SOBP: variants seen among roughly 807,000 people sequenced by gnomAD.
SOBP encodes the protein sine oculis-binding protein homolog.
Under a neutral mutation model 53.6 loss-of-function variants are expected in SOBP, and 4 were observed. That is an observed-to-expected ratio of 0.07 (90% CI 0.04 to 0.17). The LOEUF is 0.17. SOBP is among the 10% of genes least tolerant of loss of function. SOBP has a pLI of 1.00. For synonymous variants in SOBP, 584 were observed against 522.6 expected, an observed-to-expected ratio of 1.12 and a Z score of -1.60; for missense variants, 1,088 against 1,204.7, an observed-to-expected ratio of 0.90 and a Z score of 1.43.
intron 4 of SOBP, among the ~76,000 whole-genome samples, chr6:107,539,135 A>G (rs1194503998): frequency 6.6e-6 from 1 of 152,240 alleles, no homozygotes; most frequent in Non-Finnish European, 1.5e-5. Flanking sequence ...CCTGGAACAC[A>G]GCATGGGGCA....
intron 5 of SOBP, 78 bp downstream of exon 5, chr6:107,587,253 T>C (rs1785595636): frequency 1.8e-6 from 2 of 1,113,890 alleles, no homozygotes; most frequent in African/African-American, 1.5e-5. Flanking sequence ...GGTTTGTTCA[T>C]GATTACATAA....
At chr6:107,493,547 C>G (rs1782629735) in intron 1 of SOBP, among the ~76,000 whole-genome samples, 1 of 152,180 alleles carries the variant, frequency 6.6e-6, no homozygotes, top group Non-Finnish European at 1.5e-5. Context: ...GTACAGTGAC[C>G]TACTCAGGTT....
chr6:107,513,355 T>C (rs1783225248), intron 3 of SOBP, among the ~76,000 whole-genome samples: 1 of 152,182 alleles, frequency 6.6e-6, no homozygotes, highest in Non-Finnish European at 1.5e-5. Flanking sequence ...AAGGAACCAT[T>C]AGCTTAACGG....
At chr6:107,513,442 C>T (rs1196213113) in intron 3 of SOBP, among the ~76,000 whole-genome samples, 2 of 152,084 alleles carry the variant, frequency 1.3e-5, no homozygotes, top group Non-Finnish European at 2.9e-5. Context: ...AAGCATGTTA[C>T]TTTTTGGCTC....
chr6:107,631,966 G>A (rs1036728955), intron 5 of SOBP, among the ~76,000 whole-genome samples: 5 of 152,156 alleles, frequency 3.3e-5, no homozygotes, highest in South Asian at 2.1e-4. Context: ...GTGCGTGTTC[G>A]CCCATGATCA....
intron 4 of SOBP, among the ~76,000 whole-genome samples, chr6:107,544,151 G>A (rs180938483): frequency 0.011 from 1,688 of 152,200 alleles, 19 homozygotes; most frequent in South Asian, 0.022. Flanking sequence ...GAGTTAACTC[G>A]TCCACACATT....
intron 5 of SOBP, chr6:107,621,192 A>G: frequency 1.5e-6 from 1 of 677,552 alleles, no homozygotes; most frequent in Non-Finnish European, 1.8e-6. Context: ...ATATATATGA[A>G]TACCTATCTG....
intron 6 of SOBP, among the ~76,000 whole-genome samples, chr6:107,642,850 T>C (rs1771389285): frequency 6.6e-6 from 1 of 152,252 alleles, no homozygotes; most frequent in Non-Finnish European, 1.5e-5. Context: ...TATGGAACAT[T>C]GACCTAACAT....
At chr6:107,566,039 A>T (rs1784907875) in intron 4 of SOBP, among the ~76,000 whole-genome samples, 1 of 152,272 alleles carries the variant, frequency 6.6e-6, no homozygotes, top group African/African-American at 2.4e-5. Flanking sequence ...CTCAGAAATT[A>T]GAAATGACAG....
intron 4 of SOBP, among the ~76,000 whole-genome samples, chr6:107,543,221 A>G (rs1349418877): frequency 6.6e-6 from 1 of 152,186 alleles, no homozygotes; most frequent in Non-Finnish European, 1.5e-5. Flanking sequence ...CAGTGGTCTT[A>G]TCACAGTCCC....
intron 4 of SOBP, among the ~76,000 whole-genome samples, chr6:107,547,622 T>TGGTAAATG: frequency 6.6e-6 from 1 of 152,144 alleles, no homozygotes; most frequent in East Asian, 1.9e-4. Flanking sequence ...ACTAAAGAAT[T>TGGTAAATG]GGTAAATGTA....
At chr6:107,616,885 C>T (rs1157573902) in intron 5 of SOBP, among the ~76,000 whole-genome samples, 1 of 152,174 alleles carries the variant, frequency 6.6e-6, no homozygotes, top group Non-Finnish European at 1.5e-5. Context: ...CTCAGGCTGT[C>T]TTCTTGGGCA....
At chr6:107,656,347 A>G (rs1434160079) in intron 6 of SOBP, among the ~76,000 whole-genome samples, 9 of 39,148 alleles carry the variant, frequency 2.3e-4, no homozygotes, top group Non-Finnish European at 8.6e-4. Context: ...AAGAAAGAGA[A>G]AGAAAGAAAG....
chr6:107,655,560 CT>C (rs1312730059), intron 6 of SOBP, among the ~76,000 whole-genome samples: 3 of 152,198 alleles, frequency 2.0e-5, no homozygotes, highest in Non-Finnish European at 4.4e-5. Context: ...TGTGAGCAAG[CT>C]TTTCAGAGCA....
chr6:107,600,749 T>C (rs1423063244), intron 5 of SOBP, among the ~76,000 whole-genome samples: 1 of 152,136 alleles, frequency 6.6e-6, no homozygotes, highest in Non-Finnish European at 1.5e-5. Flanking sequence ...TAGAGAACTT[T>C]ATGCAAGTGC....
intron 5 of SOBP, among the ~76,000 whole-genome samples, chr6:107,625,097 G>A (rs1583285080): frequency 6.6e-6 from 1 of 152,136 alleles, no homozygotes; most frequent in Non-Finnish European, 1.5e-5. Context: ...ATTTGTGGAG[G>A]TTCAATGAGG....
chr6:107,503,556 C>T, intron 1 of SOBP, 101 bp from the exon 2 acceptor site: 1 of 1,298,060 alleles, frequency 7.7e-7, no homozygotes, highest in Non-Finnish European at 1.1e-6. Context: ...TGAGGCAGGG[C>T]TGCAAATAAA....
chr6:107,622,859 A>G (rs1770241823), intron 5 of SOBP, among the ~76,000 whole-genome samples: 1 of 152,248 alleles, frequency 6.6e-6, no homozygotes, highest in Non-Finnish European at 1.5e-5. Context: ...ATTAATTAGC[A>G]AAGAAGCAAG....
intron 4 of SOBP, among the ~76,000 whole-genome samples, chr6:107,585,559 A>G (rs573427344): frequency 2.1e-4 from 32 of 152,328 alleles, no homozygotes; most frequent in South Asian, 6.2e-4. Context: ...CATATAGCCA[A>G]TCCTATAACT....
Sources: gnomAD v4.1 joint callset for allele counts (sites outside exome capture counted in the v4.1 genomes callset) on GRCh38, gnomAD v4.1.1 for gene constraint, MANE v1.5 for transcripts, NCBI Gene and HGNC (gene_info 2026-07-23, HGNC 2026-07-21) for gene names.